Variants in PDXDC1 observed in about 807,000 individuals in gnomAD.
PDXDC1 encodes pyridoxal dependent decarboxylase domain containing 1.
A neutral mutation model predicts 100.1 loss-of-function variants in PDXDC1; 42 were observed. The ratio of observed to expected loss-of-function variants is 0.42; its 90% confidence interval spans 0.33 to 0.54. The LOEUF is 0.54. PDXDC1 is among the 20% of genes least tolerant of loss of function. PDXDC1 has a pLI of 0.10. For missense variants in PDXDC1, 636 were observed against 979.2 expected (o/e 0.65, Z 4.68); for synonymous variants, 260 against 371.7 (o/e 0.70, Z 3.46).
downstream of PDXDC1, chr16:15,040,244 C>G: frequency 2.3e-6 from 1 of 434,060 alleles, no homozygotes; most frequent in Non-Finnish European, 4.1e-6. Flanking sequence ...CCCCAAGCAT[C>G]TCGGTGAAAA....
intron 16 of PDXDC1, among the ~76,000 whole-genome samples, chr16:15,051,387 C>A (rs2044284690): frequency 6.6e-6 from 1 of 152,266 alleles, no homozygotes; most frequent in Non-Finnish European, 1.5e-5. Context: ...CAGGGTCTTA[C>A]TGTCTCCCAG....
intron 1 of PDXDC1, among the ~76,000 whole-genome samples, chr16:14,992,235 A>G (rs897440640): frequency 2.6e-5 from 4 of 152,296 alleles, no homozygotes; most frequent in Non-Finnish European, 5.9e-5. Flanking sequence ...AGGCATCAGT[A>G]TCATTAGAGG....
At chr16:15,094,214 T>G (rs776893547) in intron 16 of PDXDC1, 2 of 1,595,732 alleles carry the variant, frequency 1.3e-6, no homozygotes, top group Non-Finnish European at 1.7e-6. Flanking sequence ...CAAACGCGTG[T>G]GAAGCAGCGG....
chr16:15,133,574 G>A lies in PDXDC1; in HGVS notation c.1400-5305G>A, dbSNP rs986912075. The A allele has an allele frequency of 3.8e-6, 4 of 1,052,160 alleles. No homozygotes were observed. In the African/African-American group the frequency reaches 4.7e-5, roughly 12 times the overall value. 65.2% of individuals were successfully genotyped at this position (1,052,160 alleles called of 1,614,324 possible). On this transcript the variant is annotated intron_variant, in intron 16 of 16. Coordinates refer to the PDXDC1 transcript ENST00000535621. ...CTCGAAGTGTGGCCTGAAACCCGGGGGCAGCACGGCTCCGTAGCCGGAGAG... is the reference window on the plus strand; with the variant it reads ...CTCGAAGTGTGGCCTGAAACCCGGGAGCAGCACGGCTCCGTAGCCGGAGAG...
chr16:15,114,976 C>T (rs1436912459), intron 16 of PDXDC1, among the ~76,000 whole-genome samples: 5 of 148,654 alleles, frequency 3.4e-5, no homozygotes, highest in Non-Finnish European at 7.5e-5. Context: ...CACTCAGTCG[C>T]CCAGGCTGGA....
At chr16:14,994,620 T>C (rs1971565058) in intron 1 of PDXDC1, among the ~76,000 whole-genome samples, 1 of 152,300 alleles carries the variant, frequency 6.6e-6, no homozygotes, top group African/African-American at 2.4e-5. Flanking sequence ...CTTGGCAATG[T>C]GGGCTCTTTT....
intron 16 of PDXDC1, chr16:15,094,435 C>T (rs1781746077): frequency 3.3e-6 from 2 of 607,668 alleles, no homozygotes; most frequent in Non-Finnish European, 5.8e-6. Context: ...TTCCAGCCAG[C>T]GCTAGTGCGT....
At chr16:15,093,846 G>A in intron 16 of PDXDC1, 1 of 444,550 alleles carries the variant, frequency 2.2e-6, no homozygotes, top group Non-Finnish European at 4.0e-6. Context: ...GGACGAAGAA[G>A]AGGGAAGGAA....
intron 12 of PDXDC1, among the ~76,000 whole-genome samples, chr16:15,021,217 A>G (rs1191039108): frequency 3.9e-5 from 6 of 152,236 alleles, no homozygotes; most frequent in Non-Finnish European, 7.3e-5. Flanking sequence ...TCTCTACAAA[A>G]AATACAAAAA....
intron 16 of PDXDC1, among the ~76,000 whole-genome samples, chr16:15,050,508 G>C (rs941193338): frequency 2.0e-5 from 3 of 152,174 alleles, no homozygotes; most frequent in Non-Finnish European, 2.9e-5. Flanking sequence ...TGAGGAGGGA[G>C]GACTGCTTGA....
At chr16:15,094,053 G>A (rs1266620970) in intron 16 of PDXDC1, 3 of 1,148,642 alleles carry the variant, frequency 2.6e-6, no homozygotes, top group Non-Finnish European at 1.3e-6. Flanking sequence ...CACACGCCAT[G>A]AGCTTTGTCC....
intron 16 of PDXDC1, chr16:15,076,665 GA>G (rs746005020): frequency 1.1e-4 from 166 of 1,492,266 alleles, no homozygotes; most frequent in Middle Eastern, 1.7e-4. Context: ...AACAAAGGGA[GA>G]AAAAAAAAGA....
At chr16:15,092,527 G>A (rs774073684) in intron 16 of PDXDC1, 1 of 1,612,168 alleles carries the variant, frequency 6.2e-7, no homozygotes. Context: ...ACTTCAGCAA[G>A]ACTTCTGTCA....
intron 11 of PDXDC1, among the ~76,000 whole-genome samples, chr16:15,017,802 T>G (rs1304975038): frequency 6.6e-6 from 1 of 152,140 alleles, no homozygotes; most frequent in African/African-American, 2.4e-5. Context: ...CTTTTTTTTT[T>G]TTTTTTTGAT....
intron 1 of PDXDC1, among the ~76,000 whole-genome samples, chr16:14,984,149 G>A (rs1243017380): frequency 6.6e-6 from 1 of 152,034 alleles, no homozygotes; most frequent in Non-Finnish European, 1.5e-5. Flanking sequence ...GTGACAGAGT[G>A]AGACCCTGTC....
At position 15,001,870 on chromosome 16, in the gene PDXDC1, C is replaced by T. The variant is rs375181539; in HGVS notation, c.242+14C>T. ...CCAGAGCCCCAGGTAATGAACCTGG[C>T]AGCTTCTCTTTTCAAGTGTATGTGT... On this transcript the variant is annotated intron_variant, in intron 4 of 22. Coordinates refer to ENST00000396410, the MANE Select transcript of PDXDC1 (RefSeq NM_015027.4). 3.1e-6 allele frequency: 5 copies of T among 1,591,638 alleles called. No homozygotes were observed. The African/African-American group carries it at 6.7e-5, about 21-fold the overall frequency.
chr16:15,094,130 C>A (rs1195584110), intron 16 of PDXDC1: 3 of 1,584,154 alleles, frequency 1.9e-6, no homozygotes, highest in East Asian at 2.3e-5. Context: ...CAGAAGGAAG[C>A]GGCCTGAATC....
chr16:15,065,312 G>A, intron 16 of PDXDC1: 1 of 1,613,722 alleles, frequency 6.2e-7, no homozygotes, highest in Non-Finnish European at 8.5e-7. Flanking sequence ...CCTAATGACT[G>A]GCAGCATCTG....
chr16:15,132,729 G>A (rs1422342531), intron 16 of PDXDC1: 1 of 1,070,140 alleles, frequency 9.3e-7, no homozygotes, highest in African/African-American at 1.6e-5. Flanking sequence ...ACCATGCACT[G>A]GGCCAGCGCA....
Sources: allele counts gnomAD v4.1 joint callset (sites outside exome capture counted in the v4.1 genomes callset), GRCh38; gene constraint gnomAD v4.1.1; transcripts MANE v1.5; gene names NCBI Gene and HGNC (gene_info 2026-07-23, HGNC 2026-07-21).